The following JAK1 variants were observed in gnomAD, a reference collection of about 807,000 sequenced individuals.
JAK1 encodes Janus kinase 1.
A neutral mutation model predicts 136.6 loss-of-function variants in JAK1; 16 were observed. That is an observed-to-expected ratio of 0.12 (90% confidence interval 0.08 to 0.18). The LOEUF is 0.18. JAK1 is among the 10% of genes least tolerant of loss of function. The pLI is 1.00. For missense variants in JAK1, 859 were observed against 1,450.1 expected (o/e 0.59, Z 6.62); for synonymous variants, 492 against 519.5 (o/e 0.95, Z 0.72).
intron 2 of JAK1, among the ~76,000 whole-genome samples, chr1:65,001,101 AG>A (rs1189469270): frequency 6.6e-6 from 1 of 152,212 alleles, no homozygotes; most frequent in Non-Finnish European, 1.5e-5. Context: ...GGGGAAAAAC[AG>A]CTGCTCTAGT....
intron 1 of JAK1, among the ~76,000 whole-genome samples, chr1:64,959,505 G>A (rs1039634009): frequency 2.7e-5 from 3 of 112,510 alleles, no homozygotes; most frequent in Non-Finnish European, 4.8e-5. Flanking sequence ...TGAAGACACC[G>A]TTTTACAAAC....
At chr1:65,053,292 G>A (rs1180047511) in intron 1 of JAK1, among the ~76,000 whole-genome samples, 1 of 152,116 alleles carries the variant, frequency 6.6e-6, no homozygotes, top group Non-Finnish European at 1.5e-5. Flanking sequence ...GTTGCAATGA[G>A]GCAAGATTAT....
At chr1:64,980,567 A>T (rs1457460524) in intron 2 of JAK1, among the ~76,000 whole-genome samples, 8 of 149,388 alleles carry the variant, frequency 5.4e-5, no homozygotes, top group Non-Finnish European at 1.2e-4. Context: ...TTTTTTTTTT[A>T]AACTCTTTTT....
chr1:64,894,250 A>G (rs529795305), intron 1 of JAK1, among the ~76,000 whole-genome samples: 4 of 152,260 alleles, frequency 2.6e-5, no homozygotes, highest in African/African-American at 9.6e-5. Flanking sequence ...TCCAGATTCA[A>G]AGTCCTGACG....
chr1:65,053,166 C>T lies in JAK1; in HGVS notation c.-180-8584G>A, dbSNP rs930897783. The stretch of plus-strand genomic sequence containing the variant: ...TTTGAGACCAGTCTGGTCAACATGG[C>T]GAAACCCCATCTCTAAGAAAAAATA... On this transcript the variant is annotated intron_variant, in intron 1 of 25. Transcript: ENST00000671954. Among the ~76,000 whole-genome samples, 9 of 150,382 alleles carry T rather than the reference C, an allele frequency of 6.0e-5. No individual in the cohort carries two copies. In the East Asian group the frequency reaches 1.4e-3, roughly 23 times the overall value.
intron 2 of JAK1, among the ~76,000 whole-genome samples, chr1:64,982,462 C>T (rs1057443216): frequency 1.3e-5 from 2 of 152,188 alleles, no homozygotes; most frequent in Admixed American, 6.5e-5. Flanking sequence ...CTACCATTGC[C>T]CCTCAAACAG....
intron 2 of JAK1, among the ~76,000 whole-genome samples, chr1:65,026,841 C>T (rs962714917): frequency 5.3e-5 from 8 of 151,898 alleles, no homozygotes; most frequent in South Asian, 4.2e-4. Flanking sequence ...GCGGAGTGCA[C>T]CTCTGGAGCC....
intron 1 of JAK1, among the ~76,000 whole-genome samples, chr1:65,056,419 C>T (rs576563): frequency 0.056 from 8,485 of 152,186 alleles, 491 homozygotes; most frequent in East Asian, 0.31. Flanking sequence ...AAGGGAACTG[C>T]AATCACCAGC....
chr1:65,010,738 T>C (rs1471849472), intron 2 of JAK1, among the ~76,000 whole-genome samples: 2 of 152,188 alleles, frequency 1.3e-5, no homozygotes, highest in African/African-American at 2.4e-5. Context: ...CCGAACATTC[T>C]GGGAGGCCAA....
chr1:64,931,787 T>C (rs917995042), intron 1 of JAK1, among the ~76,000 whole-genome samples: 13 of 152,054 alleles, frequency 8.5e-5, no homozygotes, highest in Middle Eastern at 3.2e-3. Flanking sequence ...AGCCAAAAAA[T>C]AGGAACCCAT....
intron 1 of JAK1, among the ~76,000 whole-genome samples, chr1:65,047,671 A>T (rs1414713059): frequency 6.6e-6 from 1 of 151,998 alleles, no homozygotes; most frequent in Non-Finnish European, 1.5e-5. Flanking sequence ...GTGCGCCGAG[A>T]TCACGCCACT....
Position 64,879,063 on chromosome 1 carries a change from A to T in JAK1, c.291T>A (p.Val97=). 3 of 1,614,094 alleles carry T rather than the reference A, an allele frequency of 1.9e-6. No homozygotes were observed. The highest frequency in any genetic ancestry group is 2.5e-6 in the Non-Finnish European group (3 of 1,179,998). The change falls in exon 4 of 25, where the codon GTT becomes GTA. Residue 97 remains valine, a synonymous_variant. Coordinates refer to ENST00000342505, the MANE Select transcript of JAK1 (RefSeq NM_002227.4). ...LWYAPNRTIT[V]DDKMSLRLHY... Reference sequence around the variant, plus strand: ...GGAGCCGGAGGGACATCTTGTCATCAACGGTGATGGTGCGATTTGGAGCAT... The same window carrying T: ...GGAGCCGGAGGGACATCTTGTCATCTACGGTGATGGTGCGATTTGGAGCAT...
At chr1:64,845,457 C>G in intron 15 of JAK1, 56 bp downstream of exon 15, 1 of 1,607,454 alleles carries the variant, frequency 6.2e-7, no homozygotes, top group Non-Finnish European at 8.5e-7. Context: ...CCTGCCACCC[C>G]TCCCAGGACA....
intron 8 of JAK1, among the ~76,000 whole-genome samples, chr1:64,861,202 G>T (rs933788330): frequency 6.6e-6 from 1 of 152,134 alleles, no homozygotes; most frequent in South Asian, 2.1e-4. Context: ...AGGCAGTGTG[G>T]TTCATCTCAT....
upstream of JAK1, among the ~76,000 whole-genome samples, chr1:64,968,233 T>C (rs959010680): frequency 6.6e-6 from 1 of 152,044 alleles, no homozygotes; most frequent in Admixed American, 6.6e-5. Context: ...GGAGAGGGCC[T>C]GGATTCAGTT....
At position 65,062,925 on chromosome 1, in the gene JAK1, T is replaced by C. The variant is rs528665293; in HGVS notation, c.-181+4679A>G. Among the ~76,000 whole-genome samples, 14 of 152,364 alleles carry C rather than the reference T, an allele frequency of 9.2e-5. No homozygotes were observed. In the East Asian group the frequency reaches 2.7e-3, roughly 29 times the overall value. Reference sequence around the variant, plus strand: ...TGTTTAATTCCAGTCTCTGTCTATATGGTCTTAGGTGAGGTGTTTGGCAGT... The same window carrying C: ...TGTTTAATTCCAGTCTCTGTCTATACGGTCTTAGGTGAGGTGTTTGGCAGT... On this transcript the variant is annotated intron_variant, in intron 1 of 25. Transcript: ENST00000671954.
chr1:64,981,208 A>G (rs753607026), intron 2 of JAK1, among the ~76,000 whole-genome samples: 65 of 152,204 alleles, frequency 4.3e-4, no homozygotes, highest in Non-Finnish European at 8.5e-4. Context: ...AAGTACAGGA[A>G]ATGAGTCAGG....
intron 1 of JAK1, among the ~76,000 whole-genome samples, chr1:64,945,469 G>T (rs947334625): frequency 3.3e-5 from 5 of 152,178 alleles, no homozygotes; most frequent in South Asian, 4.2e-4. Context: ...ATAAGTCATG[G>T]TCTATTCACA....
At chr1:65,062,510 T>G (rs1647838247) in intron 1 of JAK1, among the ~76,000 whole-genome samples, 1 of 152,192 alleles carries the variant, frequency 6.6e-6, no homozygotes, top group South Asian at 2.1e-4. Context: ...TACCAAAGAC[T>G]TGCAATGACC....
Sources: allele counts gnomAD v4.1 joint callset (sites outside exome capture counted in the v4.1 genomes callset), GRCh38; gene constraint gnomAD v4.1.1; transcripts MANE v1.5; gene names NCBI Gene and HGNC (gene_info 2026-07-23, HGNC 2026-07-21).